ABCA8: variants seen among roughly 807,000 people sequenced by gnomAD.
ABCA8 encodes ABC-type organic anion transporter ABCA8.
Under a neutral mutation model 192.3 loss-of-function variants are expected in ABCA8, and 177 were observed. The ratio of observed to expected loss-of-function variants is 0.92; its 90% confidence interval spans 0.81 to 1.04. ABCA8 has a LOEUF of 1.04. Ranked by LOEUF, ABCA8 falls within the 50% of genes least tolerant of loss-of-function variation. The probability of loss-of-function intolerance (pLI) is 0.00; values close to 1 mark genes in which losing one functional copy is unlikely to be tolerated. For synonymous variants in ABCA8, 642 were observed against 690.2 expected (o/e 0.93, Z 1.09); for missense variants, 1,915 against 1,904.8 (o/e 1.01, Z -0.10).
In ABCA8 at chr17:68,887,395, A is replaced by T. The variant is rs2066491129; in HGVS notation, c.3256T>A (p.Leu1086Ile). ...LYFLVFVFIYLMSYISNFEDM... is the reference protein window; with the variant it reads ...LYFLVFVFIYIMSYISNFEDM... ...TCGAAGTTTGAAATGTAGCTCATTA[A>T]ATATATAAAAACGAAGACCAAGAAG... Residue 1086 changes from leucine (L) to isoleucine (I), a missense_variant, in exon 25 of 40, where the codon TTA becomes ATA. Leu to Ile is a conservative substitution (Grantham distance 5). Transcript: ENST00000586539. The T allele has an allele frequency of 2.5e-6, 4 of 1,613,074 alleles. No individual in the cohort carries two copies. The East Asian group carries it at 8.9e-5, about 36-fold the overall frequency.
chr17:68,901,200 T>C (rs1233505786), intron 21 of ABCA8, among the ~76,000 whole-genome samples: 2 of 152,216 alleles, frequency 1.3e-5, no homozygotes, highest in African/African-American at 4.8e-5. Flanking sequence ...CCAATAAATT[T>C]CAGTGAATAG....
At chr17:68,887,944 T>A (rs1262995437) in intron 24 of ABCA8, among the ~76,000 whole-genome samples, 4 of 71,014 alleles carry the variant, frequency 5.6e-5, no homozygotes, top group Non-Finnish European at 1.1e-4. Flanking sequence ...GATATATATA[T>A]TATATATATG....
intron 35 of ABCA8, among the ~76,000 whole-genome samples, chr17:68,875,962 A>G (rs1188556103): frequency 6.6e-6 from 1 of 152,210 alleles, no homozygotes; most frequent in Non-Finnish European, 1.5e-5. Flanking sequence ...AACATTCATT[A>G]TAGGGTTGTG....
At chr17:68,868,493 C>A in intron 38 of ABCA8, 137 bp from the exon 39 acceptor site, 2 of 735,034 alleles carry the variant, frequency 2.7e-6, no homozygotes, top group South Asian at 2.0e-5. Context: ...TTAAGTACAT[C>A]GTTCAGTTAA....
At chr17:68,875,451 G>A (rs2143234417) in intron 36 of ABCA8, 51 bp from the exon 37 acceptor site, 3 of 1,608,512 alleles carry the variant, frequency 1.9e-6, no homozygotes, top group African/African-American at 2.7e-5. Context: ...CATTCAGTAT[G>A]TTGTTTGAGA....
intron 21 of ABCA8, 49 bp from the exon 22 acceptor site, chr17:68,895,062 T>C (rs779540641): frequency 1.3e-6 from 2 of 1,491,646 alleles, no homozygotes; most frequent in South Asian, 3.0e-5. Flanking sequence ...AAAACATTAA[T>C]GTCAAGTTGT....
At position 68,906,127 on chromosome 17, in the gene ABCA8, C is replaced by G. The variant is rs2067060629; in HGVS notation, c.2315G>C (p.Gly772Ala). 6.2e-7 allele frequency: 1 copy of G among 1,600,106 alleles called. No individual in the cohort carries two copies. The highest frequency in any genetic ancestry group is 8.5e-7 in the Non-Finnish European group (1 of 1,173,790). Residue 772 changes from glycine to alanine, a missense_variant, in exon 19 of 40, where the codon GGA becomes GCA. Transcript: ENST00000586539. ...YKDLDSYPDLGIENYGVSMTT... is the reference protein window; with the variant it reads ...YKDLDSYPDLAIENYGVSMTT... ...CATGGAAACACCATAATTCTCAATTCCTAGGTCAGGATAGCTATCAAGATC... is the reference window on the plus strand; with the variant it reads ...CATGGAAACACCATAATTCTCAATTGCTAGGTCAGGATAGCTATCAAGATC...
chr17:68,884,712 C>T (rs1188778296), intron 27 of ABCA8: 7 of 1,072,982 alleles, frequency 6.5e-6, no homozygotes, highest in East Asian at 6.5e-5. Flanking sequence ...CTGTGCCCAT[C>T]GTTTCTCTTT....
At chr17:68,934,449 G>A (rs1461430857) in intron 5 of ABCA8, among the ~76,000 whole-genome samples, 2 of 152,114 alleles carry the variant, frequency 1.3e-5, no homozygotes, top group Non-Finnish European at 2.9e-5. Context: ...TCTCACTCAG[G>A]CTACAAATTC....
At chr17:68,944,030 C>T (rs777605093) in intron 2 of ABCA8, among the ~76,000 whole-genome samples, 7 of 151,844 alleles carry the variant, frequency 4.6e-5, no homozygotes, top group Non-Finnish European at 1.0e-4. Context: ...TGGAAGCCAT[C>T]ATCCTCAGCA....
At chr17:68,920,511 T>C (rs1598261332) in intron 13 of ABCA8, among the ~76,000 whole-genome samples, 2 of 151,986 alleles carry the variant, frequency 1.3e-5, no homozygotes, top group East Asian at 3.8e-4. Flanking sequence ...ATGAAAATAG[T>C]TATTATGAAA....
chr17:68,918,942 A>C (rs2143610356), intron 14 of ABCA8, among the ~76,000 whole-genome samples: 1 of 151,194 alleles, frequency 6.6e-6, no homozygotes, highest in Non-Finnish European at 1.5e-5. Flanking sequence ...AAAAAAAAAA[A>C]AAAAAAAAAA....
intron 21 of ABCA8, 61 bp downstream of exon 21, chr17:68,902,652 G>C: frequency 7.5e-7 from 1 of 1,336,158 alleles, no homozygotes; most frequent in Non-Finnish European, 1.0e-6. Context: ...TCATGGTTAT[G>C]TTTTCTAAGT....
intron 26 of ABCA8, among the ~76,000 whole-genome samples, chr17:68,885,554 C>CT (rs4148025): frequency 0.02 from 2,862 of 146,448 alleles, 27 homozygotes; most frequent in South Asian, 0.045. Context: ...TTTTTTCTCT[C>CT]TTTTTTTTTT....
chr17:68,894,402 T>C (rs2066695685), intron 22 of ABCA8, 92 bp from the exon 23 acceptor site: 1 of 1,140,212 alleles, frequency 8.8e-7, no homozygotes, highest in Non-Finnish European at 1.2e-6. Flanking sequence ...TAAGAGGTTA[T>C]GTTTTTCATA....
intron 11 of ABCA8, among the ~76,000 whole-genome samples, chr17:68,924,337 A>G (rs145733644): frequency 1.6e-5 from 2 of 123,486 alleles, no homozygotes; most frequent in African/African-American, 5.6e-5. Flanking sequence ...CAAGAGCAAA[A>G]TTCCGTCAAA....
chr17:68,923,216 T>G (rs555643127), intron 11 of ABCA8, among the ~76,000 whole-genome samples: 12 of 151,642 alleles, frequency 7.9e-5, no homozygotes, highest in African/African-American at 2.4e-4. Context: ...ATTTTTTTTT[T>G]TGAGAGAGAG....
rs367606908 is a variant in ABCA8 at position 68,877,715 on chromosome 17, T to C, written c.4039-36A>G. ...AAGTTCCCTCTCAGAACCTACCTTC[T>C]GCACTGCTTCTTTGAGTATTTCCAT... On this transcript the variant is annotated intron_variant, in intron 32 of 39. Coordinates refer to ENST00000586539, the MANE Select transcript of ABCA8 (RefSeq NM_001288985.2). 6.9e-5 allele frequency: 108 copies of C among 1,571,242 alleles called. No homozygotes were observed. The African/African-American group carries it at 1.3e-3, about 19-fold the overall frequency.
chr17:68,903,604 T>C (rs1302767464), intron 19 of ABCA8, 105 bp from the exon 20 acceptor site: 8 of 1,022,980 alleles, frequency 7.8e-6, no homozygotes, highest in Non-Finnish European at 1.1e-5. Flanking sequence ...TTACTATAGG[T>C]ATAACGTGGT....
Sources: gnomAD v4.1 joint callset for allele counts (sites outside exome capture counted in the v4.1 genomes callset) on GRCh38, gnomAD v4.1.1 for gene constraint, MANE v1.5 for transcripts, NCBI Gene and HGNC (gene_info 2026-07-23, HGNC 2026-07-21) for gene names.